ZNRF2: variants seen among roughly 807,000 people sequenced by gnomAD.
The protein encoded by ZNRF2 is zinc and ring finger 2, also known as E3 ubiquitin-protein ligase ZNRF2.
In ZNRF2, 16 loss-of-function variants were observed where a neutral mutation model predicts 20.4. The ratio of observed to expected loss-of-function variants is 0.79; its 90% CI spans 0.53 to 1.19. The LOEUF is 1.19. Ranked by LOEUF, ZNRF2 falls within the 50% of genes most tolerant of loss-of-function variation. ZNRF2 has a pLI of 0.00. For synonymous variants in ZNRF2, 178 were observed against 144.9 expected, an observed-to-expected ratio of 1.23 and a Z score of -1.64; for missense variants, 363 against 332.4, an observed-to-expected ratio of 1.09 and a Z score of -0.72.
At chr7:30,365,147 CT>C (rs533354831) in intron 4 of ZNRF2, among the ~76,000 whole-genome samples, 1,679 of 70,072 alleles carry the variant, frequency 0.024, 14 homozygotes, top group African/African-American at 0.074. Flanking sequence ...AGCTGATAAG[CT>C]TTTTTTTTTT....
At chr7:30,338,271 T>C (rs937060285) in intron 2 of ZNRF2, among the ~76,000 whole-genome samples, 19 of 151,442 alleles carry the variant, frequency 1.3e-4, no homozygotes, top group Non-Finnish European at 2.5e-4. Flanking sequence ...AAAGATGCTG[T>C]GCCCATTTTT....
In ZNRF2 at chr7:30,312,487, G is replaced by A. The variant is rs186606447; in HGVS notation, c.470-11155G>A. On this transcript the variant is annotated intron_variant, in intron 1 of 4. Transcript: ENST00000323037. ...TGTCTTTGTTCAATTGAGTACTAAG[G>A]AGAAAATTGTGAAGACAGAAAAAAA... Among the ~76,000 whole-genome samples, 7 of 152,232 alleles carry A rather than the reference G, an allele frequency of 4.6e-5. No individual in the cohort carries two copies. The East Asian group carries it at 9.6e-4, about 21-fold the overall frequency.
At chr7:30,301,700 TAAAAA>T (rs61418583) in intron 1 of ZNRF2, among the ~76,000 whole-genome samples, 4 of 115,694 alleles carry the variant, frequency 3.5e-5, no homozygotes, top group Non-Finnish European at 7.2e-5. Context: ...AGGCTTTTTT[TAAAAA>T]AAAAAAAAAA....
In ZNRF2 at chr7:30,285,729, C is replaced by T. The variant is rs1226441110; in HGVS notation, c.372C>T (p.Gly124=). ...CGGTGCACAGCAGCCCTGAGGACGG[C>T]GGCGGCGGCCGGGACCGGCCGGTGG... ...QDSVHSSPED[G]GGGRDRPVGG... Residue 124 remains glycine, a synonymous_variant, in exon 1 of 5, where the codon GGC becomes GGT. Coordinates refer to ENST00000323037, the MANE Select transcript of ZNRF2 (RefSeq NM_147128.4). 3.4e-6 allele frequency: 5 copies of T among 1,474,714 alleles called. No homozygotes were observed. Among genetic ancestry groups the T allele is most frequent in the African/African-American group, 3.0e-5 (2 of 66,778 alleles). 91.4% of individuals were successfully genotyped at this position (1,474,714 alleles called of 1,614,324 possible). A position where few individuals can be genotyped will look rare whatever the true frequency, so the allele number is the denominator to read the frequency against.
chr7:30,319,861 CTT>C (rs1799439612), intron 1 of ZNRF2, among the ~76,000 whole-genome samples: 1 of 152,166 alleles, frequency 6.6e-6, no homozygotes, highest in Non-Finnish European at 1.5e-5. Flanking sequence ...CTCTCTTGGC[CTT>C]TTATACACCA....
chr7:30,304,864 G>A (rs931479286), intron 1 of ZNRF2, among the ~76,000 whole-genome samples: 2 of 152,192 alleles, frequency 1.3e-5, no homozygotes, highest in African/African-American at 4.8e-5. Flanking sequence ...TGTGCCCCTG[G>A]TGTGCTGGAA....
In ZNRF2 at chr7:30,284,917, C is replaced by G. The variant is rs1275927798; in HGVS notation, c.-441C>G. The G allele has an allele frequency of 4.0e-6, 1 of 247,788 alleles. No individual in the cohort carries two copies. Among genetic ancestry groups the G allele is most frequent in the Non-Finnish European group, 8.2e-6 (1 of 121,626 alleles). The allele number at this position is 247,788 out of a possible 1,614,324, so 15.3% of individuals were successfully genotyped here. The stretch of plus-strand genomic sequence containing the variant: ...CGCCTCCCACTCAGCCGCCAGCCGC[C>G]GTGGGAGCCGGAGGATGGCGGCGGT... On this transcript the variant is annotated 5_prime_UTR_variant, in exon 1 of 5. Transcript: ENST00000323037.
chr7:30,329,145 T>C (rs1799596672), intron 2 of ZNRF2, among the ~76,000 whole-genome samples: 1 of 152,206 alleles, frequency 6.6e-6, no homozygotes, highest in South Asian at 2.1e-4. Context: ...CTTAGTTTTT[T>C]TAAAAAATTT....
chr7:30,346,111 C>T (rs1458261774), intron 2 of ZNRF2, among the ~76,000 whole-genome samples: 1 of 123,360 alleles, frequency 8.1e-6, no homozygotes, highest in Admixed American at 8.6e-5. Context: ...CATATGAATG[C>T]TATCTTGGGT....
chr7:30,310,619 C>T (rs974644363), intron 1 of ZNRF2, among the ~76,000 whole-genome samples: 1 of 152,034 alleles, frequency 6.6e-6, no homozygotes, highest in African/African-American at 2.4e-5. Context: ...AATTTTTATT[C>T]AGCCATTAAA....
In ZNRF2 at chr7:30,343,911, C is replaced by CTTTT. The variant is rs34643391; in HGVS notation, c.566-11796_566-11793dup. On this transcript the variant is annotated intron_variant, in intron 2 of 4. Transcript: ENST00000323037. ...TAAAAATGTTTCACTGGGTGGCCAG[C>CTTTT]TTTTTTTTTTTTTTTTTTTTTTTTA... Among the ~76,000 whole-genome samples the CTTTT allele has an allele frequency of 3.9e-3, 316 of 81,472 alleles. 21 individuals are homozygous for CTTTT. Among genetic ancestry groups the CTTTT allele is most frequent in the African/African-American group, 0.013 (277 of 20,910 alleles). 53.4% of individuals were successfully genotyped at this position (81,472 alleles called of 152,430 possible).
chr7:30,296,545 C>T (rs1380864639), intron 1 of ZNRF2, among the ~76,000 whole-genome samples: 1 of 152,228 alleles, frequency 6.6e-6, no homozygotes, highest in Non-Finnish European at 1.5e-5. Context: ...CACTGCTTTG[C>T]TGGTGCTTCA....
At position 30,324,698 on chromosome 7, in the gene ZNRF2, T is replaced by G. The variant is rs1043020925; in HGVS notation, c.565+961T>G. Reference sequence around the variant, plus strand: ...GTACAAGATTCTTTGGACCACAGTTTGAGAACTGCTGCATTGAAATAAAAT... The same window carrying G: ...GTACAAGATTCTTTGGACCACAGTTGGAGAACTGCTGCATTGAAATAAAAT... On this transcript the variant is annotated intron_variant, in intron 2 of 4. Coordinates refer to ENST00000323037, the MANE Select transcript of ZNRF2 (RefSeq NM_147128.4). Among the ~76,000 whole-genome samples the G allele has an allele frequency of 3.9e-5, 6 of 152,344 alleles. No individual in the cohort carries two copies. In the South Asian group the frequency reaches 8.3e-4, roughly 21 times the overall value.
intron 2 of ZNRF2, among the ~76,000 whole-genome samples, chr7:30,334,104 TC>T (rs1321583314): frequency 6.6e-6 from 1 of 152,208 alleles, no homozygotes; most frequent in Non-Finnish European, 1.5e-5. Flanking sequence ...CTAGTTTTTT[TC>T]CTAGGATTTT....
intron 1 of ZNRF2, among the ~76,000 whole-genome samples, chr7:30,291,293 G>T (rs938112428): frequency 6.6e-6 from 1 of 152,228 alleles, no homozygotes; most frequent in Non-Finnish European, 1.5e-5. Context: ...TTTATCTAAT[G>T]AAGTTTGAAA....
At chr7:30,312,101 C>T (rs1040817910) in intron 1 of ZNRF2, among the ~76,000 whole-genome samples, 50 of 152,102 alleles carry the variant, frequency 3.3e-4, no homozygotes, top group African/African-American at 1.1e-3. Flanking sequence ...CTTAGCCTCT[C>T]GAGTAGCTGG....
At chr7:30,352,131 A>T (rs1799969675) in intron 2 of ZNRF2, among the ~76,000 whole-genome samples, 1 of 152,010 alleles carries the variant, frequency 6.6e-6, no homozygotes, top group South Asian at 2.1e-4. Context: ...TTCATCTCTA[A>T]TATTTTGAGT....
At chr7:30,324,513 C>T (rs941585955) in intron 2 of ZNRF2, among the ~76,000 whole-genome samples, 1 of 149,916 alleles carries the variant, frequency 6.7e-6, no homozygotes, top group Non-Finnish European at 1.5e-5. Context: ...TGTGCCACTG[C>T]ACTCCAGCCT....
intron 1 of ZNRF2, among the ~76,000 whole-genome samples, chr7:30,314,870 G>A (rs890696301): frequency 3.3e-5 from 5 of 151,414 alleles, no homozygotes; most frequent in Non-Finnish European, 1.5e-5. Context: ...AGGCTGGAGT[G>A]CAGTGACACA....
Sources: allele counts gnomAD v4.1 joint callset (sites outside exome capture counted in the v4.1 genomes callset), GRCh38; gene constraint gnomAD v4.1.1; transcripts MANE v1.5; gene names NCBI Gene and HGNC (gene_info 2026-07-23, HGNC 2026-07-21).